The following ANXA13 variants were observed in gnomAD, a reference collection of about 807,000 sequenced individuals.
The protein encoded by ANXA13 is annexin XIII.
In ANXA13, 36 loss-of-function variants were observed where a neutral mutation model predicts 46.6. The ratio of observed to expected loss-of-function variants is 0.77; its 90% CI spans 0.59 to 1.02. The LOEUF (loss-of-function observed/expected upper bound fraction) is 1.02. ANXA13 is among the 50% of genes least tolerant of loss of function. The pLI is 0.00. For synonymous variants in ANXA13, 163 were observed against 152.9 expected (o/e 1.07, Z -0.49); for missense variants, 417 against 396.5 (o/e 1.05, Z -0.44).
intron 10 of ANXA13, among the ~76,000 whole-genome samples, chr8:123,683,424 CTT>C (rs35546652): frequency 6.1e-5 from 7 of 114,546 alleles, no homozygotes; most frequent in Admixed American, 3.0e-4. Context: ...CATTTAACCA[CTT>C]TTTTTTTTTT....
At chr8:123,722,668 A>G (rs1813906808) in intron 1 of ANXA13, among the ~76,000 whole-genome samples, 2 of 152,350 alleles carry the variant, frequency 1.3e-5, no homozygotes, top group South Asian at 4.1e-4. Flanking sequence ...TGATGCTAAT[A>G]GAATCATGTT....
chr8:123,694,001 T>G (rs1357403950), intron 6 of ANXA13, among the ~76,000 whole-genome samples: 2 of 152,088 alleles, frequency 1.3e-5, no homozygotes, highest in African/African-American at 4.8e-5. Context: ...CTTTTTTTTT[T>G]TTTGTAGAAA....
intron 1 of ANXA13, among the ~76,000 whole-genome samples, chr8:123,727,091 T>G (rs1814014341): frequency 6.6e-6 from 1 of 152,064 alleles, no homozygotes; most frequent in African/African-American, 2.4e-5. Context: ...AAACTACAAA[T>G]AGGGTTCAGT....
intron 3 of ANXA13, among the ~76,000 whole-genome samples, chr8:123,701,759 T>G (rs1294737524): frequency 1.3e-5 from 2 of 152,164 alleles, no homozygotes; most frequent in African/African-American, 4.8e-5. Flanking sequence ...TTCTCTTTTT[T>G]TTTTTTAGGT....
At chr8:123,696,057 T>C (rs1813330881) in intron 4 of ANXA13, among the ~76,000 whole-genome samples, 1 of 152,062 alleles carries the variant, frequency 6.6e-6, no homozygotes, top group South Asian at 2.1e-4. Context: ...TCTTCCCCAC[T>C]CAGGTAACCC....
chr8:123,723,028 G>T (rs1187534752), intron 1 of ANXA13, among the ~76,000 whole-genome samples: 2 of 152,216 alleles, frequency 1.3e-5, no homozygotes, highest in Non-Finnish European at 2.9e-5. Context: ...GATGGCCAAG[G>T]TTTCCAATAT....
rs1813028842 is a variant in ANXA13 at position 123,681,165 on chromosome 8, C to T, written c.*75G>A. On this transcript the variant is annotated 3_prime_UTR_variant, in exon 11 of 11. Coordinates refer to ENST00000419625, the MANE Select transcript of ANXA13 (RefSeq NM_004306.4). Reference sequence around the variant, plus strand: ...CTTAAGGGTTTTCGTGCGGGAGTCTCATTTGCAAGTTTGATTTGGAATGTG... The same window carrying T: ...CTTAAGGGTTTTCGTGCGGGAGTCTTATTTGCAAGTTTGATTTGGAATGTG... The T allele has an allele frequency of 1.8e-5, 27 of 1,515,638 alleles. No homozygotes were observed. In the East Asian group the frequency reaches 5.8e-4, roughly 32 times the overall value. 93.9% of individuals were successfully genotyped at this position (1,515,638 alleles called of 1,614,324 possible).
In ANXA13 at chr8:123,693,280, C is replaced by T. The variant is rs773960510; in HGVS notation, c.559G>A (p.Gly187Ser). The part of the protein sequence containing the change: ...DLYDAGEGRW[G>S]TDELAFNEVL... Reference sequence around the variant, plus strand: ...TCATTGAACGCAAGCTCATCAGTGCCCCAGCGGCCTTCCCCTGCCTCAAGG... The same window carrying T: ...TCATTGAACGCAAGCTCATCAGTGCTCCAGCGGCCTTCCCCTGCCTCAAGG... The change falls in exon 8 of 11, where the codon GGC becomes AGC. Residue 187 changes from glycine to serine, a missense_variant. Transcript: ENST00000419625. 7 of 1,613,992 alleles carry T rather than the reference C, an allele frequency of 4.3e-6. No homozygotes were observed. The highest frequency in any genetic ancestry group is 1.6e-4 in the Middle Eastern group (1 of 6,084).
chr8:123,705,666 T>C (rs1447897713), intron 2 of ANXA13, among the ~76,000 whole-genome samples: 1 of 152,196 alleles, frequency 6.6e-6, no homozygotes, highest in Non-Finnish European at 1.5e-5. Context: ...TGTCTTGCTC[T>C]GGTTGGTGTG....
intron 1 of ANXA13, among the ~76,000 whole-genome samples, chr8:123,731,110 T>C (rs1814109153): frequency 6.6e-6 from 1 of 152,196 alleles, no homozygotes; most frequent in Non-Finnish European, 1.5e-5. Context: ...CTTGTTCAGA[T>C]GCAGATTGCT....
rs1442150762 is a variant in ANXA13, at chr8:123,702,631, C to A, written c.186+11G>T. 1 of 1,612,740 alleles carries A rather than the reference C, an allele frequency of 6.2e-7. No homozygotes were observed. Among genetic ancestry groups the A allele is most frequent in the South Asian group, 1.1e-5 (1 of 91,044 alleles). ...GCTGGGTGCAAGCTTGCTGACCACC[C>A]CTGGAATCACCTTGCCGTACGTTGC... On this transcript the variant is annotated intron_variant, in intron 3 of 10. Transcript: ENST00000419625.
At chr8:123,718,206 T>C (rs1255100973) in intron 1 of ANXA13, among the ~76,000 whole-genome samples, 1 of 152,254 alleles carries the variant, frequency 6.6e-6, no homozygotes, top group Admixed American at 6.5e-5. Context: ...GCATGGACTT[T>C]GTAAATGCAA....
chr8:123,730,914 A>G (rs1038948828), intron 1 of ANXA13, among the ~76,000 whole-genome samples: 5 of 152,144 alleles, frequency 3.3e-5, no homozygotes, highest in Non-Finnish European at 5.9e-5. Flanking sequence ...TCCGGGTGAG[A>G]AGCCTGAGGA....
chr8:123,717,063 C>T (rs1252355951), intron 1 of ANXA13, among the ~76,000 whole-genome samples: 1 of 152,180 alleles, frequency 6.6e-6, no homozygotes, highest in South Asian at 2.1e-4. Flanking sequence ...AGTGCTTGCA[C>T]TGACACTCAG....
intron 1 of ANXA13, among the ~76,000 whole-genome samples, chr8:123,734,183 G>T (rs115877445): frequency 6.6e-6 from 1 of 152,084 alleles, no homozygotes; most frequent in South Asian, 2.1e-4. Context: ...GGCTCTACTA[G>T]GTCTCCCTCC....
chr8:123,689,382 A>G (rs904847800), intron 8 of ANXA13, among the ~76,000 whole-genome samples: 18 of 151,584 alleles, frequency 1.2e-4, no homozygotes, highest in African/African-American at 4.1e-4. Context: ...GGCTGTGGTT[A>G]TGATCATCTG....
In ANXA13 at chr8:123,706,871, A is replaced by G. The variant is rs183459134; in HGVS notation, c.92-4135T>C. Among the ~76,000 whole-genome samples the G allele has an allele frequency of 3.5e-4, 53 of 152,318 alleles. 1 individual carries two copies. Among genetic ancestry groups the G allele is most frequent in the African/African-American group, 1.3e-3 (52 of 41,574 alleles). On this transcript the variant is annotated intron_variant, in intron 2 of 10. Transcript: ENST00000419625. ...TTGTAGATGATTTGCAGCTCCTAGA[A>G]CAAACAACACTTTCTTTCTTGCCTC...
chr8:123,736,161 T>G (rs1301539382), intron 1 of ANXA13, among the ~76,000 whole-genome samples: 1 of 152,228 alleles, frequency 6.6e-6, no homozygotes, highest in Non-Finnish European at 1.5e-5. Context: ...TTTGTAAGTT[T>G]GTAAACATCT....
At chr8:123,691,481 G>A (rs146173695) in intron 8 of ANXA13, among the ~76,000 whole-genome samples, 2 of 152,238 alleles carry the variant, frequency 1.3e-5, no homozygotes, top group East Asian at 3.9e-4. Context: ...CCAGGGAGAC[G>A]CCCGACAATT....
Sources: allele counts gnomAD v4.1 joint callset (sites outside exome capture counted in the v4.1 genomes callset), GRCh38; gene constraint gnomAD v4.1.1; transcripts MANE v1.5; gene names NCBI Gene and HGNC (gene_info 2026-07-23, HGNC 2026-07-21).